SPDL1: variants seen among roughly 807,000 people sequenced by gnomAD.
SPDL1 encodes spindle apparatus coiled-coil protein 1, also known as protein Spindly.
Under a neutral mutation model 79.5 loss-of-function variants are expected in SPDL1, and 85 were observed. That is an observed-to-expected ratio of 1.07 (90% CI 0.90 to 1.28). The LOEUF (loss-of-function observed/expected upper bound fraction) is 1.28. Among genes scored for constraint, SPDL1 ranks in the 50% most tolerant of loss-of-function variants. The probability of loss-of-function intolerance (pLI) is 0.00; values close to 1 mark genes in which losing one functional copy is unlikely to be tolerated. For synonymous variants in SPDL1, 269 were observed against 240.3 expected (o/e 1.12, Z -1.10); for missense variants, 703 against 697.8 (o/e 1.01, Z -0.08).
At chr5:169,596,789 T>C in intron 8 of SPDL1, 88 bp downstream of exon 8, 1 of 1,123,154 alleles carries the variant, frequency 8.9e-7, no homozygotes, top group Non-Finnish European at 1.2e-6. Context: ...AAATTATTAA[T>C]AAATATCTTG....
Position 169,588,451 on chromosome 5 carries a change from G to C in SPDL1, c.35G>C (p.Arg12Thr), listed in dbSNP as rs770043615. ...GATATAATCACAAATCTTCGATGCA[G>C]GCTCAAAGAGGCTGAAGAAGAGCGA... ...EADIITNLRC[R>T]LKEAEEERLK... is the part of the protein sequence containing the mutation. Residue 12 changes from arginine to threonine, a missense_variant, in exon 2 of 12, where the codon AGG becomes ACG. Transcript: ENST00000265295. The C allele has an allele frequency of 6.2e-7, 1 of 1,613,086 alleles. No homozygotes were observed.
intron 11 of SPDL1, among the ~76,000 whole-genome samples, chr5:169,603,043 A>G (rs1027995859): frequency 1.3e-5 from 2 of 152,160 alleles, no homozygotes; most frequent in African/African-American, 2.4e-5. Context: ...AATTGACTCA[A>G]GTAGCACGTT....
At chr5:169,595,054 A>G (rs2113362035) in intron 7 of SPDL1, among the ~76,000 whole-genome samples, 1 of 152,276 alleles carries the variant, frequency 6.6e-6, no homozygotes, top group South Asian at 2.1e-4. Context: ...CTGCCTCACC[A>G]TTCCTCTGCT....
chr5:169,596,658 T>G lies in SPDL1; in HGVS notation c.989T>G (p.Ile330Arg). The change falls in exon 8 of 12, where the codon ATA becomes AGA. Residue 330 changes from isoleucine to arginine, a missense_variant. Ile to Arg is a moderately conservative substitution (Grantham distance 97). Coordinates refer to ENST00000265295, the MANE Select transcript of SPDL1 (RefSeq NM_017785.5). ...ATGTTGGAGCAGAAGAATGGTGAAA[T>G]AAAACATCTTTTAGGTGAAATTAGA... ...LAMLEQKNGE[I>R]KHLLGEIRNL... 6.2e-7 allele frequency: 1 copy of G among 1,603,134 alleles called. No homozygotes were observed. Among genetic ancestry groups the G allele is most frequent in the Non-Finnish European group, 8.5e-7 (1 of 1,177,078 alleles).
At chr5:169,593,695 T>G in intron 4 of SPDL1, 147 bp downstream of exon 4, 3 of 683,600 alleles carry the variant, frequency 4.4e-6, no homozygotes, top group Non-Finnish European at 7.1e-6. Context: ...AAAAATGGGT[T>G]TTTTTTAGGT....
intron 1 of SPDL1, 26 bp from the exon 2 acceptor site, chr5:169,588,368 A>G (rs1321507297): frequency 2.0e-6 from 3 of 1,506,010 alleles, no homozygotes; most frequent in African/African-American, 1.4e-5. Flanking sequence ...TATAAGCTTA[A>G]GTAGTTTTAT....
At chr5:169,601,818 C>A in intron 11 of SPDL1, 193 bp downstream of exon 11, 1 of 685,616 alleles carries the variant, frequency 1.5e-6, no homozygotes, top group South Asian at 1.6e-5. Flanking sequence ...AGGGAAAGGA[C>A]TCTTGAATAA....
intron 1 of SPDL1, among the ~76,000 whole-genome samples, chr5:169,584,744 GGT>G (rs151067684): frequency 0.053 from 8,113 of 152,260 alleles, 250 homozygotes; most frequent in Non-Finnish European, 0.058. Flanking sequence ...TTAACTTGCG[GGT>G]AACCCTAAGC....
At chr5:169,600,796 G>A (rs530220261) in intron 10 of SPDL1, among the ~76,000 whole-genome samples, 4 of 152,244 alleles carry the variant, frequency 2.6e-5, no homozygotes, top group Non-Finnish European at 5.9e-5. Flanking sequence ...AGAAAGTTTG[G>A]CCTATTCTTG....
chr5:169,585,208 C>T (rs1350336925), intron 1 of SPDL1, among the ~76,000 whole-genome samples: 1 of 152,132 alleles, frequency 6.6e-6, no homozygotes, highest in Non-Finnish European at 1.5e-5. Flanking sequence ...GCGCTGCCCC[C>T]CAGATTAGGA....
At chr5:169,599,922 G>C (rs1018536292) in intron 10 of SPDL1, among the ~76,000 whole-genome samples, 4 of 152,162 alleles carry the variant, frequency 2.6e-5, no homozygotes, top group African/African-American at 4.8e-5. Context: ...ACCAAAATGG[G>C]GGGGAAAGGA....
chr5:169,591,336 C>A (rs1755276607), intron 3 of SPDL1, 112 bp downstream of exon 3: 1 of 1,052,434 alleles, frequency 9.5e-7, no homozygotes. Flanking sequence ...TAGCCAAGAT[C>A]TAAGTCTTCA....
chr5:169,588,054 A>G (rs541642282), intron 1 of SPDL1, among the ~76,000 whole-genome samples: 174 of 152,346 alleles, frequency 1.1e-3, no homozygotes, highest in Admixed American at 2.5e-3. Flanking sequence ...AATTTTGATT[A>G]TATGGATAGT....
rs1424195103 is a variant in SPDL1, at chr5:169,594,385, T to C, written c.682-9T>C. On this transcript the variant is annotated splice_polypyrimidine_tract_variant and intron_variant, in intron 5 of 11. Transcript: ENST00000265295. ...CTCTGTTGCCTAAATTGTTTTCTTT[T>C]GAATTTAGAAAGCTCGTGTAGCAAA... 1 of 1,613,734 alleles carries C rather than the reference T, an allele frequency of 6.2e-7. No homozygotes were observed. Among genetic ancestry groups the C allele is most frequent in the Admixed American group, 1.7e-5 (1 of 59,982 alleles).
At chr5:169,603,908 C>T (rs1056247132) in intron 11 of SPDL1, 152 bp from the exon 12 acceptor site, 4 of 648,782 alleles carry the variant, frequency 6.2e-6, no homozygotes, top group African/African-American at 1.9e-5. Flanking sequence ...TTTTAGACAG[C>T]CAGTGACTTA....
At chr5:169,590,576 T>G (rs1755221068) in intron 2 of SPDL1, among the ~76,000 whole-genome samples, 1 of 152,260 alleles carries the variant, frequency 6.6e-6, no homozygotes, top group Admixed American at 6.5e-5. Context: ...GATAGACCTT[T>G]TGTGACATTT....
chr5:169,604,391 A>T lies in SPDL1; in HGVS notation c.*184A>T. On this transcript the variant is annotated 3_prime_UTR_variant, in exon 12 of 12. Coordinates refer to ENST00000265295, the MANE Select transcript of SPDL1 (RefSeq NM_017785.5). ...TTGACTCTAACCTGGAGAGCTTCTT[A>T]AGTGATGCCCCTTCATGGAGCTTCT... 2.4e-6 allele frequency: 1 copy of T among 419,726 alleles called. No individual in the cohort carries two copies. The highest frequency in any genetic ancestry group is 3.8e-5 in the East Asian group (1 of 26,622). The allele number at this position is 419,726 out of a possible 1,614,324, so 26.0% of individuals were successfully genotyped here. A position where few individuals can be genotyped will look rare whatever the true frequency, so the allele number is the denominator to read the frequency against.
intron 10 of SPDL1, 152 bp downstream of exon 10, chr5:169,599,311 T>C: frequency 1.6e-6 from 1 of 630,298 alleles, no homozygotes. Flanking sequence ...TTGTGTAAAA[T>C]AGGTAGGAAA....
chr5:169,591,234 T>C lies in SPDL1; in HGVS notation c.336+10T>C, dbSNP rs377082423. 5 of 1,606,584 alleles carry C rather than the reference T, an allele frequency of 3.1e-6. No individual in the cohort carries two copies. The South Asian group carries it at 4.4e-5, about 14-fold the overall frequency. ...TGAACTAAAAACTAAGGTTGGGATA[T>C]CTGCGTATTTCAGCACAAAATATTC... On this transcript the variant is annotated intron_variant, in intron 3 of 11. Transcript: ENST00000265295.
Sources: gnomAD v4.1 joint callset for allele counts (sites outside exome capture counted in the v4.1 genomes callset) on GRCh38, gnomAD v4.1.1 for gene constraint, MANE v1.5 for transcripts, NCBI Gene and HGNC (gene_info 2026-07-23, HGNC 2026-07-21) for gene names.